Variants in RSF1 observed in about 807,000 individuals in gnomAD.
RSF1 encodes HBV pX-associated protein 8.
In RSF1, 13 loss-of-function variants were observed where a neutral mutation model predicts 145.2. The observed-to-expected ratio is 0.09, with a 90% CI of 0.06 to 0.14. The LOEUF (loss-of-function observed/expected upper bound fraction) is 0.14. Ranked by LOEUF, RSF1 falls within the 10% of genes least tolerant of loss-of-function variation. The pLI is 1.00. For synonymous variants in RSF1, 577 were observed against 592.6 expected, an observed-to-expected ratio of 0.97 and a Z score of 0.38; for missense variants, 1,517 against 1,718.2, an observed-to-expected ratio of 0.88 and a Z score of 2.07.
chr11:77,818,336 A>C (rs1454240444), intron 1 of RSF1, among the ~76,000 whole-genome samples: 2 of 152,228 alleles, frequency 1.3e-5, no homozygotes, highest in African/African-American at 2.4e-5. Context: ...ATGCATTTCA[A>C]CTTGGTCCAA....
chr11:77,727,761 T>A (rs1226567100), intron 4 of RSF1, among the ~76,000 whole-genome samples: 1 of 152,178 alleles, frequency 6.6e-6, no homozygotes, highest in Non-Finnish European at 1.5e-5. Flanking sequence ...ATTACAAGCG[T>A]GAGCCACTGC....
chr11:77,805,385 G>A (rs941174365), intron 1 of RSF1, among the ~76,000 whole-genome samples: 1 of 151,636 alleles, frequency 6.6e-6, no homozygotes, highest in African/African-American at 2.4e-5. Flanking sequence ...AGGTTGCAAT[G>A]AGCCAAGATC....
At chr11:77,826,470 T>G in the RSF1 span, among the ~76,000 whole-genome samples, 1 of 152,210 alleles carries the variant, frequency 6.6e-6, no homozygotes, top group South Asian at 2.1e-4. Flanking sequence ...GGGATAATCA[T>G]CGGCAGTTTG....
chr11:77,670,905 G>C (rs1218955037), intron 15 of RSF1, among the ~76,000 whole-genome samples: 2 of 151,202 alleles, frequency 1.3e-5, no homozygotes, highest in Non-Finnish European at 2.9e-5. Context: ...TCAGGAGTTC[G>C]AGACTAGCTT....
the RSF1 span, among the ~76,000 whole-genome samples, chr11:77,850,216 G>A: frequency 2.0e-5 from 3 of 152,230 alleles, no homozygotes; most frequent in East Asian, 1.9e-4. Context: ...GAATGGAAAC[G>A]TAAGAAAATG....
At chr11:77,755,987 C>T (rs1335166447) in intron 2 of RSF1, among the ~76,000 whole-genome samples, 1 of 152,048 alleles carries the variant, frequency 6.6e-6, no homozygotes, top group African/African-American at 2.4e-5. Context: ...GAAAGACATA[C>T]AAAGGTATTG....
At chr11:77,810,176 C>T (rs1948716558) in intron 1 of RSF1, among the ~76,000 whole-genome samples, 1 of 152,158 alleles carries the variant, frequency 6.6e-6, no homozygotes, top group Non-Finnish European at 1.5e-5. Context: ...TCTGAGTACA[C>T]GGCATCACCA....
chr11:77,836,255 T>C, the RSF1 span, among the ~76,000 whole-genome samples: 2 of 152,140 alleles, frequency 1.3e-5, no homozygotes, highest in Non-Finnish European at 2.9e-5. Flanking sequence ...CTTCATACAT[T>C]GAAGCCCTAA....
At chr11:77,681,730 GCC>G (rs1959866967) in intron 11 of RSF1, among the ~76,000 whole-genome samples, 1 of 152,114 alleles carries the variant, frequency 6.6e-6, no homozygotes, top group Non-Finnish European at 1.5e-5. Context: ...TAAAACTATA[GCC>G]TTTTGCATCT....
the RSF1 span, among the ~76,000 whole-genome samples, chr11:77,860,526 C>G: frequency 1.3e-5 from 2 of 152,156 alleles, no homozygotes; most frequent in Non-Finnish European, 2.9e-5. Flanking sequence ...AATTTAAGAG[C>G]GCTTGGGTGG....
intron 1 of RSF1, among the ~76,000 whole-genome samples, chr11:77,790,180 T>C (rs575192221): frequency 2.6e-5 from 4 of 152,344 alleles, no homozygotes; most frequent in East Asian, 1.9e-4. Context: ...ATTGGACTTA[T>C]AGTTCCACAT....
chr11:77,822,724 AC>A (rs1948975494), upstream of RSF1, among the ~76,000 whole-genome samples: 1 of 152,198 alleles, frequency 6.6e-6, no homozygotes, highest in Non-Finnish European at 1.5e-5. Context: ...TGGTATACAA[AC>A]CGTTTTTAAA....
At chr11:77,868,283 C>T in the RSF1 span, among the ~76,000 whole-genome samples, 2 of 151,402 alleles carry the variant, frequency 1.3e-5, no homozygotes, top group Admixed American at 1.3e-4. Flanking sequence ...TCTTGATCTC[C>T]TGACCTCGTG....
At chr11:77,786,043 T>C (rs1948453975) in intron 1 of RSF1, among the ~76,000 whole-genome samples, 1 of 146,924 alleles carries the variant, frequency 6.8e-6, no homozygotes, top group African/African-American at 2.5e-5. Context: ...GATTTTAACA[T>C]TTCCATAAGG....
chr11:77,822,652 A>C (rs1948972131), upstream of RSF1, among the ~76,000 whole-genome samples: 1 of 152,194 alleles, frequency 6.6e-6, no homozygotes, highest in Non-Finnish European at 1.5e-5. Context: ...CAATTTATCA[A>C]GAGAAAAATT....
In RSF1 at chr11:77,701,440, C is replaced by G; in HGVS notation, c.1789G>C (p.Asp597His). Residue 597 changes from aspartate (D) to histidine (H), a missense_variant, in exon 6 of 16, where the codon GAT becomes CAT. By Grantham distance (81) the Asp-to-His change is moderately conservative. This residue lies in a region of RSF1 where 579 missense variants were observed against 553.5 expected (regional missense o/e 1.05). Coordinates refer to ENST00000308488, the MANE Select transcript of RSF1 (RefSeq NM_016578.4). ...GGACTCAATCTTTGTGCGTCCTTATCAAGAAAAGTCTTTTTGGACTTCTCT... is the reference window on the plus strand; with the variant it reads ...GGACTCAATCTTTGTGCGTCCTTATGAAGAAAAGTCTTTTTGGACTTCTCT... Reference protein sequence around the residue: ...KLEKSKKTFLDKDAQRLSPIP... With the variant: ...KLEKSKKTFLHKDAQRLSPIP... 1.2e-6 allele frequency: 2 copies of G among 1,614,122 alleles called. No homozygotes were observed. The highest frequency in any genetic ancestry group is 1.7e-6 in the Non-Finnish European group (2 of 1,180,016).
chr11:77,808,743 C>T (rs1464938726), intron 1 of RSF1, among the ~76,000 whole-genome samples: 1 of 108,612 alleles, frequency 9.2e-6, no homozygotes, highest in East Asian at 2.7e-4. Context: ...CCGTGTTAAC[C>T]GGGATGGTCT....
At chr11:77,677,834 C>T (rs1959748810) in intron 12 of RSF1, among the ~76,000 whole-genome samples, 1 of 152,100 alleles carries the variant, frequency 6.6e-6, no homozygotes, top group Non-Finnish European at 1.5e-5. Flanking sequence ...AATTTTTTAA[C>T]CTATGAAGGA....
the RSF1 span, among the ~76,000 whole-genome samples, chr11:77,854,729 ATCTACCAT>A: frequency 2.6e-5 from 4 of 152,036 alleles, no homozygotes; most frequent in Non-Finnish European, 5.9e-5. Flanking sequence ...CCGTTGGTGG[ATCTACCAT>A]TCTCATGTCT....
Sources: allele counts gnomAD v4.1 joint callset (sites outside exome capture counted in the v4.1 genomes callset), GRCh38; gene constraint gnomAD v4.1.1; regional missense constraint gnomAD v4.1.1; transcripts MANE v1.5; gene names NCBI Gene and HGNC (gene_info 2026-07-23, HGNC 2026-07-21).